The following TRPM4 variants were observed in gnomAD, a reference collection of about 807,000 sequenced individuals.
TRPM4 encodes the protein calcium-activated non-selective cation channel 1.
A neutral mutation model predicts 135.6 loss-of-function variants in TRPM4; 124 were observed. The observed-to-expected ratio is 0.91, with a 90% confidence interval of 0.79 to 1.06. The LOEUF (loss-of-function observed/expected upper bound fraction) is 1.06. TRPM4 is among the 50% of genes least tolerant of loss of function. TRPM4 has a pLI of 0.00. For missense variants in TRPM4, 1,658 were observed against 1,671.4 expected (o/e 0.99, Z 0.14); for synonymous variants, 745 against 705.6 (o/e 1.06, Z -0.88).
intron 12 of TRPM4, among the ~76,000 whole-genome samples, chr19:49,184,623 G>T (rs1340657085): frequency 6.6e-6 from 1 of 151,582 alleles, no homozygotes; most frequent in Non-Finnish European, 1.5e-5. Flanking sequence ...GGGACTACAG[G>T]TGCCCGCCAC....
rs541005608 is a variant in TRPM4 at position 49,204,513 on chromosome 19, T to C, written c.3131+2372T>C. On this transcript the variant is annotated intron_variant, in intron 20 of 24. Coordinates refer to ENST00000252826, the MANE Select transcript of TRPM4 (RefSeq NM_017636.4). The stretch of plus-strand genomic sequence containing the variant: ...ACTTTGGGGGGCTGAGGTGGGAGGA[T>C]TGCTTGAGCACAAGAGTTCGAGACC... 4.6e-5 allele frequency among the ~76,000 whole-genome samples: 7 copies of C among 151,280 alleles called. No homozygotes were observed. In the South Asian group the frequency reaches 1.5e-3, roughly 32 times the overall value.
intron 2 of TRPM4, among the ~76,000 whole-genome samples, chr19:49,162,409 C>T (rs1298992845): frequency 6.6e-6 from 1 of 152,058 alleles, no homozygotes; most frequent in African/African-American, 2.4e-5. Context: ...TACTGTGGCA[C>T]ATGCCTGTAA....
intron 20 of TRPM4, among the ~76,000 whole-genome samples, chr19:49,206,640 T>C (rs1466217802): frequency 6.6e-6 from 1 of 152,014 alleles, no homozygotes; most frequent in African/African-American, 2.4e-5. Flanking sequence ...GGTTTCTCCA[T>C]GTTGGTCAGG....
chr19:49,176,393 T>A (rs1967696141), intron 9 of TRPM4, among the ~76,000 whole-genome samples: 1 of 152,088 alleles, frequency 6.6e-6, no homozygotes, highest in African/African-American at 2.4e-5. Context: ...TTATTTTTAA[T>A]TTTTTTATAG....
intron 9 of TRPM4, among the ~76,000 whole-genome samples, chr19:49,174,294 A>C (rs367704806): frequency 1.3e-5 from 2 of 152,248 alleles, no homozygotes; most frequent in East Asian, 3.9e-4. Context: ...CCGGGATTAC[A>C]GGCACGTGCC....
chr19:49,159,727 C>T (rs1435429988), intron 2 of TRPM4: 1 of 152,174 alleles, frequency 6.6e-6, no homozygotes, highest in Non-Finnish European at 1.5e-5. Flanking sequence ...AGGCAATGCA[C>T]CTGCCTTGGC....
chr19:49,196,730 G>T lies in TRPM4; in HGVS notation c.2501G>T (p.Ser834Ile). Reference sequence around the variant, plus strand: ...TGCGAGGAACTGCGCCAGGGCCTGAGCGGAGGCGGGGGCAGCCTCGCCAGC... The same window carrying T: ...TGCGAGGAACTGCGCCAGGGCCTGATCGGAGGCGGGGGCAGCCTCGCCAGC... ...LLCEELRQGLSGGGGSLASGG... is the reference protein window; with the variant it reads ...LLCEELRQGLIGGGGSLASGG... The change falls in exon 17 of 25, where the codon AGC becomes ATC. Residue 834 changes from serine (S) to isoleucine (I), a missense_variant. Around this residue, in one of 3 missense-constraint regions of TRPM4, gnomAD observed 1,412 missense variants for 1,408.7 expected, o/e 1.00. Coordinates refer to ENST00000252826, the MANE Select transcript of TRPM4 (RefSeq NM_017636.4). The T allele has an allele frequency of 6.4e-7, 1 of 1,552,008 alleles. No homozygotes were observed. The highest frequency in any genetic ancestry group is 8.7e-7 in the Non-Finnish European group (1 of 1,155,300).
chr19:49,203,270 C>T (rs1471415072), intron 20 of TRPM4, among the ~76,000 whole-genome samples: 1 of 152,072 alleles, frequency 6.6e-6, no homozygotes, highest in Non-Finnish European at 1.5e-5. Flanking sequence ...ACCTCCACCT[C>T]CCAGGTTCAA....
rs1416609029 is a variant in TRPM4 at position 49,210,884 on chromosome 19, G to A, written c.3461+42G>A. The A allele has an allele frequency of 1.3e-6, 2 of 1,594,604 alleles. No individual in the cohort carries two copies. Among genetic ancestry groups the A allele is most frequent in the African/African-American group, 1.3e-5 (1 of 74,786 alleles). On this transcript the variant is annotated intron_variant, in intron 22 of 24. Coordinates refer to ENST00000252826, the MANE Select transcript of TRPM4 (RefSeq NM_017636.4). The surrounding 1 kb of genome is among the most constrained non-coding windows in gnomAD (Gnocchi z 4.1). Reference sequence around the variant, plus strand: ...GTCGGGGATGGGGCTTCTGGCCTGGGGCGGATCCTGACTTCAGCTGAAGGC... The same window carrying A: ...GTCGGGGATGGGGCTTCTGGCCTGGAGCGGATCCTGACTTCAGCTGAAGGC...
In TRPM4 at chr19:49,158,030, G is replaced by A. The variant is rs952862416; in HGVS notation, c.24+140G>A. On this transcript the variant is annotated intron_variant, in intron 1 of 24. Coordinates refer to ENST00000252826, the MANE Select transcript of TRPM4 (RefSeq NM_017636.4). ...GGAGGGTCCAGGTTCCAGGGTCCAG[G>A]GCATGGGGGTCGAGACTCCTGAGTC... The A allele has an allele frequency of 8.6e-6, 11 of 1,280,276 alleles. No homozygotes were observed. The African/African-American group carries it at 1.6e-4, about 19-fold the overall frequency. The allele number at this position is 1,280,276 out of a possible 1,614,324, so 79.3% of individuals were successfully genotyped here. A position where few individuals can be genotyped will look rare whatever the true frequency, so the allele number is the denominator to read the frequency against.
chr19:49,197,356 C>A (rs1968720786), intron 17 of TRPM4, among the ~76,000 whole-genome samples: 1 of 100,926 alleles, frequency 9.9e-6, no homozygotes, highest in Non-Finnish European at 1.9e-5. Context: ...TTCTTTCTTT[C>A]TTTCTTTCTC....
intron 20 of TRPM4, among the ~76,000 whole-genome samples, chr19:49,202,881 CTT>C (rs752188238): frequency 1.4e-4 from 15 of 109,610 alleles, no homozygotes; most frequent in Non-Finnish European, 1.4e-4. Flanking sequence ...ATTTTTACTT[CTT>C]TTTTTTTTTT....
rs61258103 is a variant in TRPM4, at chr19:49,182,451, CCCATCCATCCATCCATCCAT to C, written c.1264-96_1264-77del. The C allele has an allele frequency of 3.9e-4, 267 of 686,740 alleles. 3 individuals carry two copies. The highest frequency in any genetic ancestry group is 2.1e-3 in the South Asian group (138 of 64,244). 42.5% of individuals were successfully genotyped at this position (686,740 alleles called of 1,614,324 possible). On this transcript the variant is annotated intron_variant, in intron 10 of 24. Coordinates refer to ENST00000252826, the MANE Select transcript of TRPM4 (RefSeq NM_017636.4). ...ACCTATCCATTCATCCATCCATCCA[CCCATCCATCCATCCATCCAT>C]CCATCCATCCATCCATCCATCCATC...
intron 10 of TRPM4, among the ~76,000 whole-genome samples, chr19:49,182,010 A>G (rs1000420561): frequency 4.0e-5 from 6 of 150,868 alleles, no homozygotes; most frequent in African/African-American, 1.5e-4. Context: ...CCATTCATTC[A>G]TCCATCTACT....
rs747404092 is a variant in TRPM4, at chr19:49,183,175, T to G, written c.1706T>G (p.Leu569Arg). Residue 569 changes from leucine (L) to arginine (R), a missense_variant, in exon 12 of 25, where the codon CTG becomes CGG. Coordinates refer to ENST00000252826, the MANE Select transcript of TRPM4 (RefSeq NM_017636.4). ...WSDLLLWALLLNRAQMAMYFW... is the reference protein window; with the variant it reads ...WSDLLLWALLRNRAQMAMYFW... Reference sequence around the variant, plus strand: ...GACCTGCTTCTTTGGGCACTGTTGCTGAACAGGGCACAGATGGCCATGTAC... The same window carrying G: ...GACCTGCTTCTTTGGGCACTGTTGCGGAACAGGGCACAGATGGCCATGTAC... 6.2e-7 allele frequency: 1 copy of G among 1,614,110 alleles called. No individual in the cohort carries two copies. Among genetic ancestry groups the G allele is most frequent in the Non-Finnish European group, 8.5e-7 (1 of 1,180,014 alleles).
At chr19:49,157,962 C>T in intron 1 of TRPM4, 72 bp downstream of exon 1, 2 of 1,484,176 alleles carry the variant, frequency 1.3e-6, no homozygotes, top group Non-Finnish European at 1.8e-6. Context: ...GAGAGGAGGG[C>T]GCTGGACACC....
chr19:49,172,134 C>T (rs1431520625), intron 9 of TRPM4, 26 bp downstream of exon 9: 11 of 1,561,546 alleles, frequency 7.0e-6, no homozygotes, highest in South Asian at 1.1e-5. Context: ...TCCAGTCTTC[C>T]CCCTCTCTCA....
chr19:49,196,529 G>A lies in TRPM4; in HGVS notation c.2300G>A (p.Arg767Gln), dbSNP rs1229818869. 3.9e-6 allele frequency: 6 copies of A among 1,554,076 alleles called. No individual in the cohort carries two copies. The highest frequency in any genetic ancestry group is 2.4e-5 in the South Asian group (2 of 84,836). Reference sequence around the variant, plus strand: ...TGCGGGGGCCGCTGCGGGGGGCGCCGGTGCCTACGCCGCTGGTTCCACTTC... The same window carrying A: ...TGCGGGGGCCGCTGCGGGGGGCGCCAGTGCCTACGCCGCTGGTTCCACTTC... ...GCCGGRCGGR[R>Q]CLRRWFHFWG... is the part of the protein sequence containing the mutation. Residue 767 changes from arginine to glutamine, a missense_variant, in exon 17 of 25, where the codon CGG becomes CAG. Physicochemically the swap from Arg to Gln is conservative, Grantham distance 43. Transcript: ENST00000252826.
chr19:49,168,523 G>T (rs199597602), intron 5 of TRPM4, 30 bp from the exon 6 acceptor site: 8 of 1,613,722 alleles, frequency 5.0e-6, no homozygotes, highest in Non-Finnish European at 6.8e-6. Context: ...CCGATGAGGA[G>T]ACGCCCTGGT....
Sources: gnomAD v4.1 joint callset for allele counts (sites outside exome capture counted in the v4.1 genomes callset) on GRCh38, gnomAD v4.1.1 for gene constraint, gnomAD v4.1.1 regional missense constraint, Gnocchi (gnomAD v3.1) non-coding constraint, MANE v1.5 for transcripts, NCBI Gene and HGNC (gene_info 2026-07-23, HGNC 2026-07-21) for gene names.